The following KIAA1671 variants were observed in gnomAD, a reference collection of about 807,000 sequenced individuals.
KIAA1671 encodes uncharacterized protein KIAA1671.
A neutral mutation model predicts 131.2 loss-of-function variants in KIAA1671; 52 were observed. That is an observed-to-expected ratio of 0.40 (90% CI 0.32 to 0.50). The LOEUF (loss-of-function observed/expected upper bound fraction) is 0.50. Ranked by LOEUF, KIAA1671 falls within the 20% of genes least tolerant of loss-of-function variation. The pLI is 0.73. For missense variants in KIAA1671, 2,360 were observed against 2,364.2 expected, an observed-to-expected ratio of 1.00 and a Z score of 0.04; for synonymous variants, 1,003 against 961.6, an observed-to-expected ratio of 1.04 and a Z score of -0.80.
chr22:25,152,964 T>C (rs1218731911), intron 6 of KIAA1671, among the ~76,000 whole-genome samples: 2 of 152,164 alleles, frequency 1.3e-5, no homozygotes, highest in South Asian at 2.1e-4. Context: ...GCTCTTCCTA[T>C]GTGTCATGAA....
At chr22:25,153,047 C>T (rs941773795) in intron 6 of KIAA1671, among the ~76,000 whole-genome samples, 1 of 152,186 alleles carries the variant, frequency 6.6e-6, no homozygotes, top group African/African-American at 2.4e-5. Context: ...TTATCATCCC[C>T]TAAGGGGCCT....
chr22:25,121,461 CAAAA>C (rs374457851), intron 6 of KIAA1671, among the ~76,000 whole-genome samples: 3 of 61,314 alleles, frequency 4.9e-5, no homozygotes, highest in Non-Finnish European at 3.4e-5. Flanking sequence ...GACTCCATCT[CAAAA>C]AAAAAAAAAA....
Position 25,133,433 on chromosome 22 carries a change from C to G in KIAA1671, c.4531-37387C>G, listed in dbSNP as rs73403522. On this transcript the variant is annotated intron_variant, in intron 6 of 12. Transcript: ENST00000358431. ...CTTGCATAACACACTTCAAATGGGC[C>G]TGGTCATTTTGTTTTCCTTTTAGAA... is the stretch of plus-strand genomic sequence containing the variant. 1.4e-3 allele frequency among the ~76,000 whole-genome samples: 211 copies of G among 152,314 alleles called. 1 individual carries two copies. The highest frequency in any genetic ancestry group is 4.7e-3 in the African/African-American group (194 of 41,564).
At chr22:24,989,462 G>C (rs181479112) in intron 1 of KIAA1671, among the ~76,000 whole-genome samples, 1 of 152,236 alleles carries the variant, frequency 6.6e-6, no homozygotes, top group Non-Finnish European at 1.5e-5. Context: ...TATAACCCTT[G>C]CTCTATCGCC....
chr22:25,029,667 G>A, intron 3 of KIAA1671, 127 bp downstream of exon 3: 2 of 694,878 alleles, frequency 2.9e-6, no homozygotes, highest in Non-Finnish European at 4.6e-6. Flanking sequence ...AGAGGAGGTA[G>A]TGGCAGTGTC....
At chr22:25,037,666 T>A (rs977138642) in intron 4 of KIAA1671, among the ~76,000 whole-genome samples, 229 of 152,186 alleles carry the variant, frequency 1.5e-3, no homozygotes, top group African/African-American at 5.3e-3. Context: ...TTCCCAGGCA[T>A]CCAGTAATCC....
chr22:25,018,816 T>C (rs1181490028), intron 1 of KIAA1671, among the ~76,000 whole-genome samples: 1 of 152,320 alleles, frequency 6.6e-6, no homozygotes, highest in East Asian at 1.9e-4. Flanking sequence ...TTGATGGACA[T>C]TTAATTGTTT....
chr22:25,018,642 G>A (rs2123887295), intron 1 of KIAA1671, among the ~76,000 whole-genome samples: 1 of 152,244 alleles, frequency 6.6e-6, no homozygotes, highest in South Asian at 2.1e-4. Context: ...TCATGTAAAT[G>A]AAATTATGCA....
At chr22:25,030,534 CA>C (rs34923770) in intron 3 of KIAA1671, among the ~76,000 whole-genome samples, 6 of 143,552 alleles carry the variant, frequency 4.2e-5, no homozygotes, top group Admixed American at 7.0e-5. Context: ...GACTCCGTCT[CA>C]AAAAAAAAAC....
At position 25,135,933 on chromosome 22, in the gene KIAA1671, C is replaced by T. The variant is rs531682154; in HGVS notation, c.4531-34887C>T. On this transcript the variant is annotated intron_variant, in intron 6 of 12. Transcript: ENST00000358431. ...GCTTTGCATCCTTGCAGCCACCCTGCGAGGTAGGTATTATCATCCTGCTTT... is the reference window on the plus strand; with the variant it reads ...GCTTTGCATCCTTGCAGCCACCCTGTGAGGTAGGTATTATCATCCTGCTTT... Among the ~76,000 whole-genome samples, 26 of 152,334 alleles carry T rather than the reference C, an allele frequency of 1.7e-4. No individual in the cohort carries two copies. The South Asian group carries it at 2.3e-3, about 13-fold the overall frequency.
chr22:24,957,066 T>C (rs566543006), intron 1 of KIAA1671, among the ~76,000 whole-genome samples: 3 of 152,236 alleles, frequency 2.0e-5, no homozygotes, highest in Admixed American at 2.0e-4. Context: ...ACTGAAGCAG[T>C]GTATGGACAG....
intron 4 of KIAA1671, among the ~76,000 whole-genome samples, chr22:25,035,881 G>T (rs1027585971): frequency 1.3e-5 from 2 of 152,160 alleles, no homozygotes; most frequent in Non-Finnish European, 2.9e-5. Context: ...CTTTATGTGT[G>T]TGTGTATGTG....
chr22:25,119,127 C>T (rs1454419777), intron 6 of KIAA1671, among the ~76,000 whole-genome samples: 2 of 152,094 alleles, frequency 1.3e-5, no homozygotes, highest in Non-Finnish European at 2.9e-5. Context: ...ATTGCCAGTA[C>T]CCAGAACAGT....
At position 25,195,469 on chromosome 22, in the gene KIAA1671, A is replaced by G. The variant is rs1223864412; in HGVS notation, c.*3068A>G. ...CCTGATAGCCTCAGGATTCAGGGAA[A>G]GGACAATCAGATGGCGGTGTTTTCC... On this transcript the variant is annotated 3_prime_UTR_variant, in exon 13 of 13. Coordinates refer to ENST00000358431, the MANE Select transcript of KIAA1671 (RefSeq NM_001145206.2). The G allele has an allele frequency of 6.6e-6, 1 of 152,172 alleles. No individual in the cohort carries two copies. Among genetic ancestry groups the G allele is most frequent in the African/African-American group, 2.4e-5 (1 of 41,440 alleles). The allele number at this position is 152,172 out of a possible 1,614,324, so 9.4% of individuals were successfully genotyped here. A position where few individuals can be genotyped will look rare whatever the true frequency, so the allele number is the denominator to read the frequency against.
intron 6 of KIAA1671, among the ~76,000 whole-genome samples, chr22:25,160,422 G>A (rs925723416): frequency 2.6e-5 from 4 of 152,124 alleles, no homozygotes; most frequent in Admixed American, 2.6e-4. Flanking sequence ...CTCTGCGCCC[G>A]TCTCCGTGCT....
chr22:24,970,159 C>T (rs925906461), intron 1 of KIAA1671, among the ~76,000 whole-genome samples: 1 of 152,168 alleles, frequency 6.6e-6, no homozygotes, highest in South Asian at 2.1e-4. Flanking sequence ...GGAGGTGGCC[C>T]CTGTAAAATG....
intron 1 of KIAA1671, among the ~76,000 whole-genome samples, chr22:25,006,007 C>T (rs950415221): frequency 2.0e-5 from 3 of 152,090 alleles, no homozygotes; most frequent in African/African-American, 7.2e-5. Flanking sequence ...GCAGCTAGAG[C>T]ATTGAATAGC....
At position 25,184,255 on chromosome 22, in the gene KIAA1671, C is replaced by T. The variant is rs567503124; in HGVS notation, c.5200-722C>T. Among the ~76,000 whole-genome samples the T allele has an allele frequency of 1.2e-3, 185 of 152,314 alleles. 3 individuals carry two copies. In the South Asian group the frequency reaches 0.032, roughly 26 times the overall value. On this transcript the variant is annotated intron_variant, in intron 10 of 12. Transcript: ENST00000358431. Reference sequence around the variant, plus strand: ...TAGACCTTTGAGCTTTGGGCTCTCTCGCCCTGTAAAATGGGGAAAGCCAGG... The same window carrying T: ...TAGACCTTTGAGCTTTGGGCTCTCTTGCCCTGTAAAATGGGGAAAGCCAGG...
At chr22:25,065,702 C>T (rs1018536645) in intron 6 of KIAA1671, among the ~76,000 whole-genome samples, 2 of 150,944 alleles carry the variant, frequency 1.3e-5, no homozygotes, top group East Asian at 2.0e-4. Flanking sequence ...TGCAGTGGTG[C>T]GATCTCGGCT....
Sources: gnomAD v4.1 joint callset for allele counts (sites outside exome capture counted in the v4.1 genomes callset) on GRCh38, gnomAD v4.1.1 for gene constraint, MANE v1.5 for transcripts, NCBI Gene and HGNC (gene_info 2026-07-23, HGNC 2026-07-21) for gene names.